The following DCUN1D3 variants were observed in gnomAD, a reference collection of about 807,000 sequenced individuals.
DCUN1D3 encodes the protein DCN1-like protein 3.
In DCUN1D3, 6 loss-of-function variants were observed where a neutral mutation model predicts 24.8. The ratio of observed to expected loss-of-function variants is 0.24; its 90% CI spans 0.13 to 0.48. DCUN1D3 has a LOEUF of 0.48. Ranked by LOEUF, DCUN1D3 falls within the 20% of genes least tolerant of loss-of-function variation. The pLI, the probability that DCUN1D3 is intolerant of heterozygous loss-of-function variation, is 0.99. For missense variants in DCUN1D3, 258 were observed against 379.4 expected (o/e 0.68, Z 2.66); for synonymous variants, 120 against 144.9 (o/e 0.83, Z 1.24).
chr16:20,868,644 G>A (rs997173717), intron 1 of DCUN1D3, among the ~76,000 whole-genome samples: 3 of 152,168 alleles, frequency 2.0e-5, no homozygotes, highest in African/African-American at 7.2e-5. Flanking sequence ...TGACAGAATC[G>A]TCTCCCTTCT....
chr16:20,873,930 G>A (rs1337823035), intron 1 of DCUN1D3, among the ~76,000 whole-genome samples: 1 of 152,168 alleles, frequency 6.6e-6, no homozygotes, highest in East Asian at 1.9e-4. Context: ...TCACCAAGTG[G>A]AAAGCAGTAT....
rs2081706329 is a variant in DCUN1D3 at position 20,857,138 on chromosome 16, T to C, written c.*2748A>G. 6.6e-6 allele frequency: 1 copy of C among 152,206 alleles called. No homozygotes were observed. The highest frequency in any genetic ancestry group is 2.1e-4 in the South Asian group (1 of 4,830). The allele number at this position is 152,206 out of a possible 1,614,324, so 9.4% of individuals were successfully genotyped here. ...CCCTTTGCAGAAAAACTGCATTTCTTGTGGTCATGAAAGAGTCAAGCATTG... is the reference window on the plus strand; with the variant it reads ...CCCTTTGCAGAAAAACTGCATTTCTCGTGGTCATGAAAGAGTCAAGCATTG... On this transcript the variant is annotated 3_prime_UTR_variant, in exon 3 of 3. Coordinates refer to ENST00000324344, the MANE Select transcript of DCUN1D3 (RefSeq NM_173475.4).
chr16:20,864,188 A>G (rs1420916366), intron 1 of DCUN1D3, among the ~76,000 whole-genome samples: 1 of 152,154 alleles, frequency 6.6e-6, no homozygotes, highest in Non-Finnish European at 1.5e-5. Flanking sequence ...GATAGCAAAT[A>G]TGAAACTATC....
chr16:20,865,976 T>C (rs1435433705), intron 1 of DCUN1D3, among the ~76,000 whole-genome samples: 1 of 152,316 alleles, frequency 6.6e-6, no homozygotes, highest in East Asian at 1.9e-4. Context: ...CCTCAAAGAC[T>C]TGTAGTTTTA....
intron 1 of DCUN1D3, among the ~76,000 whole-genome samples, chr16:20,879,357 T>C (rs2081831523): frequency 6.6e-6 from 1 of 152,236 alleles, no homozygotes; most frequent in Non-Finnish European, 1.5e-5. Flanking sequence ...CTCTTGTGTT[T>C]GTTTCAGCAG....
intron 1 of DCUN1D3, among the ~76,000 whole-genome samples, chr16:20,895,822 A>C (rs2081912987): frequency 6.6e-6 from 1 of 152,234 alleles, no homozygotes. Context: ...ACAAAGAGAT[A>C]ATTTTAAGTT....
chr16:20,875,253 CACAA>C (rs1203190204), intron 1 of DCUN1D3, among the ~76,000 whole-genome samples: 3 of 141,242 alleles, frequency 2.1e-5, no homozygotes, highest in African/African-American at 7.8e-5. Flanking sequence ...CACACACACA[CACAA>C]ATGTTGCATC....
In DCUN1D3 at chr16:20,859,902, G is replaced by A; in HGVS notation, c.899C>T (p.Pro300Leu). Residue 300 changes from proline (P) to leucine (L), a missense_variant, in exon 3 of 3, where the codon CCC (proline) becomes CTC (leucine). Coordinates refer to ENST00000324344, the MANE Select transcript of DCUN1D3 (RefSeq NM_173475.4). ...ACAGAGCCACTAAGTCTGCTCCTCG[G>A]GACACAAGCCCTCAGGCCCTGAGCT... is the stretch of plus-strand genomic sequence containing the variant. ...ALSSGPEGLCPEEQT is the reference protein window; with the variant it reads ...ALSSGPEGLCLEEQT 2 of 1,611,138 alleles carry A rather than the reference G, an allele frequency of 1.2e-6. No homozygotes were observed. The highest frequency in any genetic ancestry group is 1.7e-6 in the Non-Finnish European group (2 of 1,177,888).
intron 1 of DCUN1D3, among the ~76,000 whole-genome samples, chr16:20,881,026 G>A (rs1353722244): frequency 6.6e-6 from 1 of 150,794 alleles, no homozygotes; most frequent in South Asian, 2.2e-4. Flanking sequence ...TGTTTGCTTT[G>A]GTGTGCTAAG....
chr16:20,890,535 G>A (rs757322410), intron 1 of DCUN1D3, among the ~76,000 whole-genome samples: 1 of 152,024 alleles, frequency 6.6e-6, no homozygotes, highest in South Asian at 2.1e-4. Context: ...AGGCTGAGGT[G>A]GGGAGATCAC....
intron 1 of DCUN1D3, among the ~76,000 whole-genome samples, chr16:20,867,278 C>T (rs935142197): frequency 1.3e-5 from 2 of 152,164 alleles, no homozygotes; most frequent in African/African-American, 4.8e-5. Context: ...GCCCCAAGTT[C>T]AGGAGTGACA....
At chr16:20,872,051 G>C (rs1436197551) in intron 1 of DCUN1D3, among the ~76,000 whole-genome samples, 1 of 152,166 alleles carries the variant, frequency 6.6e-6, no homozygotes, top group African/African-American at 2.4e-5. Context: ...AGAGCCCACT[G>C]AAAGTAAACC....
chr16:20,871,267 C>T (rs2081786843), intron 1 of DCUN1D3, among the ~76,000 whole-genome samples: 1 of 152,156 alleles, frequency 6.6e-6, no homozygotes, highest in African/African-American at 2.4e-5. Context: ...CTAAAATGTA[C>T]AGCAGCAACA....
chr16:20,858,120 CA>C lies in DCUN1D3; in HGVS notation c.*1765del, dbSNP rs912776452. On this transcript the variant is annotated 3_prime_UTR_variant, in exon 3 of 3. Transcript: ENST00000324344. Reference sequence around the variant, plus strand: ...AAAAGATTCCCTTTTTAATCTGTTCCAAAGTGTTGGAAGCTGAACTATACAA... The same window carrying C: ...AAAAGATTCCCTTTTTAATCTGTTCCAAGTGTTGGAAGCTGAACTATACAA... 3 of 152,592 alleles carry C rather than the reference CA, an allele frequency of 2.0e-5. No homozygotes were observed. Among genetic ancestry groups the C allele is most frequent in the Admixed American group, 6.5e-5 (1 of 15,282 alleles). The allele number at this position is 152,592 out of a possible 1,614,324, so 9.5% of individuals were successfully genotyped here.
chr16:20,882,424 G>GTATA (rs373075429), intron 1 of DCUN1D3, among the ~76,000 whole-genome samples: 13 of 149,932 alleles, frequency 8.7e-5, no homozygotes, highest in African/African-American at 2.4e-4. Flanking sequence ...TGCTAATTTT[G>GTATA]TATATATATA....
Position 20,860,513 on chromosome 16 carries a change from TA to T in DCUN1D3, c.432-145del, listed in dbSNP as rs2081726498. 1 of 890,818 alleles carries T rather than the reference TA, an allele frequency of 1.1e-6. No homozygotes were observed. Among genetic ancestry groups the T allele is most frequent in the Non-Finnish European group, 1.7e-6 (1 of 604,172 alleles). 55.2% of individuals were successfully genotyped at this position (890,818 alleles called of 1,614,324 possible). On this transcript the variant is annotated intron_variant, in intron 2 of 2. Transcript: ENST00000324344. The surrounding 1 kb of genome is among the most constrained non-coding windows in gnomAD (Gnocchi z 4.3). ...CTCCAACTAATTAGTCCTATTTCCT[TA>T]CTTGTCAAATGGTAAAAATACCACC... is the stretch of plus-strand genomic sequence containing the variant.
rs760498054 is a variant in DCUN1D3, at chr16:20,860,231, G to A, written c.570C>T (p.Gly190=). The stretch of plus-strand genomic sequence containing the variant: ...ACCGCTGCCCTTCTTCAGAGTCCAG[G>A]CCAAACTGAAATGTAAACCGGTAGA... The part of the protein sequence containing the change: ...KDLYRFTFQF[G]LDSEEGQRSL... The change falls in exon 3 of 3, where the codon GGC becomes GGT. Residue 190 remains glycine, a synonymous_variant. Coordinates refer to ENST00000324344, the MANE Select transcript of DCUN1D3 (RefSeq NM_173475.4). This position sits in a 1 kb window ranked among gnomAD's most constrained non-coding sequence, Gnocchi z 4.3. The A allele has an allele frequency of 5.0e-6, 8 of 1,614,186 alleles. No individual in the cohort carries two copies. The highest frequency in any genetic ancestry group is 5.9e-6 in the Non-Finnish European group (7 of 1,180,028).
chr16:20,860,132 T>C lies in DCUN1D3; in HGVS notation c.669A>G (p.Gln223=), dbSNP rs1252374737. 2.5e-6 allele frequency: 4 copies of C among 1,614,108 alleles called. No homozygotes were observed. Among genetic ancestry groups the C allele is most frequent in the Non-Finnish European group, 3.4e-6 (4 of 1,180,038 alleles). Residue 223 remains glutamine, a synonymous_variant, in exon 3 of 3, where the codon CAA becomes CAG. Coordinates refer to ENST00000324344, the MANE Select transcript of DCUN1D3 (RefSeq NM_173475.4). This position sits in a 1 kb window ranked among gnomAD's most constrained non-coding sequence, Gnocchi z 4.3. ...FTQNNPPVLD[Q]WLNFLTENPS... ...GGTTCTCTGTTAGGAAGTTTAGCCATTGGTCCAATACCGGAGGATTGTTCT... is the reference window on the plus strand; with the variant it reads ...GGTTCTCTGTTAGGAAGTTTAGCCACTGGTCCAATACCGGAGGATTGTTCT...
At position 20,855,977 on chromosome 16, in the gene DCUN1D3, A is replaced by G. The variant is rs2081700923; in HGVS notation, c.*3909T>C. The stretch of plus-strand genomic sequence containing the variant: ...TGTCAGTTACCAAGATGCTCAAGTC[A>G]TAGCTAACCAAACATGAGAGACAAG... On this transcript the variant is annotated 3_prime_UTR_variant, in exon 3 of 3. Coordinates refer to ENST00000324344, the MANE Select transcript of DCUN1D3 (RefSeq NM_173475.4). 6.6e-6 allele frequency: 1 copy of G among 152,246 alleles called. No homozygotes were observed. The highest frequency in any genetic ancestry group is 2.4e-5 in the African/African-American group (1 of 41,462). 9.4% of individuals were successfully genotyped at this position (152,246 alleles called of 1,614,324 possible).
Sources: gnomAD v4.1 joint callset for allele counts (sites outside exome capture counted in the v4.1 genomes callset) on GRCh38, gnomAD v4.1.1 for gene constraint, Gnocchi (gnomAD v3.1) non-coding constraint, MANE v1.5 for transcripts, NCBI Gene and HGNC (gene_info 2026-07-23, HGNC 2026-07-21) for gene names.